PBRM1: variants seen among roughly 807,000 people sequenced by gnomAD.
PBRM1 encodes polybromo 1.
Under a neutral mutation model 194.5 loss-of-function variants are expected in PBRM1, and 27 were observed. The ratio of observed to expected loss-of-function variants is 0.14; its 90% CI spans 0.10 to 0.19. The LOEUF (loss-of-function observed/expected upper bound fraction) is 0.19. Ranked by LOEUF, PBRM1 falls within the 10% of genes least tolerant of loss-of-function variation. The probability of loss-of-function intolerance (pLI) is 1.00; values close to 1 mark genes in which losing one functional copy is unlikely to be tolerated. For synonymous variants in PBRM1, 655 were observed against 693.2 expected, an observed-to-expected ratio of 0.94 and a Z score of 0.87; for missense variants, 1,466 against 2,077.2, an observed-to-expected ratio of 0.71 and a Z score of 5.72.
At chr3:52,642,365 A>C (rs554143833) in intron 9 of PBRM1, among the ~76,000 whole-genome samples, 1 of 152,284 alleles carries the variant, frequency 6.6e-6, no homozygotes, top group South Asian at 2.1e-4. Context: ...CTGTAATCCC[A>C]GCACTTTGGG....
downstream of PBRM1, chr3:52,546,692 G>A (rs984851640): frequency 8.2e-5 from 19 of 232,504 alleles, no homozygotes; most frequent in South Asian, 7.3e-4. Context: ...AAAACATGCC[G>A]CCAAGTGAAA....
At chr3:52,647,387 A>G (rs2096326207) in intron 7 of PBRM1, among the ~76,000 whole-genome samples, 1 of 137,786 alleles carries the variant, frequency 7.3e-6, no homozygotes. Flanking sequence ...TACAGTTACC[A>G]CACATGGCCC....
intron 17 of PBRM1, among the ~76,000 whole-genome samples, chr3:52,592,352 G>A (rs2093167747): frequency 6.6e-6 from 1 of 151,878 alleles, no homozygotes. Context: ...GGCTGGTCTC[G>A]AACTCCTGAC....
At chr3:52,573,519 T>C (rs77824409) in intron 22 of PBRM1, among the ~76,000 whole-genome samples, 2,948 of 152,234 alleles carry the variant, frequency 0.019, 102 homozygotes, top group African/African-American at 0.067. Context: ...GTCTCTTAAC[T>C]CCTAATCTCA....
At chr3:52,677,057 GT>G (rs2097121911) in intron 2 of PBRM1, among the ~76,000 whole-genome samples, 1 of 152,180 alleles carries the variant, frequency 6.6e-6, no homozygotes, top group African/African-American at 2.4e-5. Context: ...GAGCATAAAA[GT>G]TTGGAAAATT....
intron 11 of PBRM1, among the ~76,000 whole-genome samples, chr3:52,629,561 T>A (rs41415947): frequency 0.04 from 6,027 of 152,296 alleles, 403 homozygotes; most frequent in African/African-American, 0.14. Flanking sequence ...GAGATAGATA[T>A]GTCAGAGTCC....
At chr3:52,593,259 CT>C (rs879470797) in intron 17 of PBRM1, among the ~76,000 whole-genome samples, 31 of 146,770 alleles carry the variant, frequency 2.1e-4, no homozygotes, top group South Asian at 4.3e-4. Context: ...TGAGATCTTT[CT>C]TTTTTTTTTT....
In PBRM1 at chr3:52,609,696, A is replaced by G; in HGVS notation, c.2184T>C (p.Phe728=). The change falls in exon 16 of 30, where the codon TTT becomes TTC. Residue 728 remains phenylalanine, a synonymous_variant. Transcript: ENST00000296302. The surrounding 1 kb of genome is among the most constrained non-coding windows in gnomAD (Gnocchi z 4.1). ...TACAGGCATTATTAAACATCATGAC[A>G]AAGTCCTCAACCATAGAGTCAATAT... 2 of 1,613,346 alleles carry G rather than the reference A, an allele frequency of 1.2e-6. No homozygotes were observed. The highest frequency in any genetic ancestry group is 1.7e-6 in the Non-Finnish European group (2 of 1,179,800).
At chr3:52,659,946 G>A (rs2096684064) in intron 4 of PBRM1, among the ~76,000 whole-genome samples, 1 of 152,166 alleles carries the variant, frequency 6.6e-6, no homozygotes, top group South Asian at 2.1e-4. Context: ...ACAAAAATTA[G>A]CTGGTGTGGT....
At chr3:52,559,639 GTCA>G (rs553407866) in intron 25 of PBRM1, among the ~76,000 whole-genome samples, 2 of 152,062 alleles carry the variant, frequency 1.3e-5, no homozygotes, top group Non-Finnish European at 1.5e-5. Flanking sequence ...ATAGCTCGAG[GTCA>G]TATGGCTTTA....
At chr3:52,655,439 T>C (rs2096591167) in intron 5 of PBRM1, among the ~76,000 whole-genome samples, 1 of 152,222 alleles carries the variant, frequency 6.6e-6, no homozygotes, top group African/African-American at 2.4e-5. Flanking sequence ...TATGCCACTG[T>C]ATGTATATGT....
chr3:52,646,593 T>C (rs939142117), intron 7 of PBRM1, among the ~76,000 whole-genome samples: 4 of 151,550 alleles, frequency 2.6e-5, no homozygotes, highest in Admixed American at 6.6e-5. Flanking sequence ...AATAAACCCA[T>C]ACATCTATGG....
At chr3:52,629,365 G>C (rs905556762) in intron 11 of PBRM1, among the ~76,000 whole-genome samples, 8 of 152,184 alleles carry the variant, frequency 5.3e-5, no homozygotes, top group Admixed American at 2.0e-4. Flanking sequence ...AATCCTAATA[G>C]TTCATACGTG....
chr3:52,560,462 G>A (rs1205645180), intron 25 of PBRM1: 1 of 151,984 alleles, frequency 6.6e-6, no homozygotes, highest in Non-Finnish European at 1.5e-5. Context: ...AGTTCTTTAG[G>A]GTATTCATAG....
intron 1 of PBRM1, chr3:52,685,501 A>G (rs1346521685): frequency 6.6e-6 from 1 of 152,044 alleles, no homozygotes; most frequent in Admixed American, 6.5e-5. Context: ...GACGAGCGGG[A>G]AAGAGGAGCG....
At chr3:52,642,879 C>T (rs998660437) in intron 9 of PBRM1, among the ~76,000 whole-genome samples, 2 of 151,634 alleles carry the variant, frequency 1.3e-5, no homozygotes, top group South Asian at 4.2e-4. Flanking sequence ...CTCCGCCTCC[C>T]GAGTTCAAGC....
chr3:52,594,366 G>A (rs1157612650), intron 17 of PBRM1, among the ~76,000 whole-genome samples: 1 of 152,134 alleles, frequency 6.6e-6, no homozygotes, highest in African/African-American at 2.4e-5. Flanking sequence ...TTGGTTTAAA[G>A]TCTGTTTTGT....
intron 2 of PBRM1, among the ~76,000 whole-genome samples, chr3:52,674,142 T>G (rs1033814011): frequency 4.6e-5 from 7 of 151,744 alleles, no homozygotes; most frequent in African/African-American, 1.4e-4. Context: ...AACAGTTGGT[T>G]TTTTTAAAAG....
exon 17 of PBRM1, chr3:52,603,596 C>T (rs1278117574): frequency 2.5e-6 from 4 of 1,612,242 alleles, no homozygotes; most frequent in Non-Finnish European, 3.4e-6. Flanking sequence ...TCTTTCTCCA[C>T]ATCATTATGC....
Sources: gnomAD v4.1 joint callset for allele counts (sites outside exome capture counted in the v4.1 genomes callset) on GRCh38, gnomAD v4.1.1 for gene constraint, Gnocchi (gnomAD v3.1) non-coding constraint, MANE v1.5 for transcripts, NCBI Gene and HGNC (gene_info 2026-07-23, HGNC 2026-07-21) for gene names.